Variants in PRKD1 observed in about 807,000 individuals in gnomAD.
PRKD1 encodes protein kinase D1.
In PRKD1, 63 loss-of-function variants were observed where a neutral mutation model predicts 95.9. The ratio of observed to expected loss-of-function variants is 0.66; its 90% CI spans 0.54 to 0.81. The LOEUF (loss-of-function observed/expected upper bound fraction) is 0.81. Ranked by LOEUF, PRKD1 falls within the 30% of genes least tolerant of loss-of-function variation. The probability of loss-of-function intolerance (pLI) is 0.00; values close to 1 mark genes in which losing one functional copy is unlikely to be tolerated. For missense variants in PRKD1, 1,048 were observed against 1,165.3 expected, an observed-to-expected ratio of 0.90 and a Z score of 1.47; for synonymous variants, 425 against 423.1, an observed-to-expected ratio of 1.00 and a Z score of -0.05.
chr14:29,895,300 G>A (rs986479910), intron 1 of PRKD1, among the ~76,000 whole-genome samples: 5 of 152,174 alleles, frequency 3.3e-5, no homozygotes, highest in African/African-American at 1.2e-4. Flanking sequence ...CTGGGCGACA[G>A]AGTGAGACTC....
At chr14:29,644,261 C>A (rs1431462149) in intron 4 of PRKD1, among the ~76,000 whole-genome samples, 1 of 152,202 alleles carries the variant, frequency 6.6e-6, no homozygotes, top group Non-Finnish European at 1.5e-5. Context: ...TTTTCCCCTG[C>A]AAATGCTCTG....
chr14:29,594,263 G>A (rs962058213), intron 16 of PRKD1: 4 of 318,446 alleles, frequency 1.3e-5, no homozygotes, highest in Non-Finnish European at 1.9e-5. Context: ...ATTTTCTTTT[G>A]CTTTTTCATG....
At chr14:29,745,144 G>C (rs1887154409) in intron 1 of PRKD1, among the ~76,000 whole-genome samples, 1 of 152,180 alleles carries the variant, frequency 6.6e-6, no homozygotes, top group Admixed American at 6.5e-5. Flanking sequence ...TCCTTAGAGA[G>C]GCTTTCCCTG....
At chr14:29,708,925 T>C (rs1159324235) in intron 2 of PRKD1, among the ~76,000 whole-genome samples, 1 of 152,142 alleles carries the variant, frequency 6.6e-6, no homozygotes, top group Non-Finnish European at 1.5e-5. Flanking sequence ...ACTCCCAAGA[T>C]AGCAAAATTT....
intron 2 of PRKD1, among the ~76,000 whole-genome samples, chr14:29,687,516 C>G (rs1883950269): frequency 6.6e-6 from 1 of 152,208 alleles, no homozygotes; most frequent in Non-Finnish European, 1.5e-5. Context: ...AAGACTCCAG[C>G]ACAAGTTGTT....
At chr14:29,909,299 C>T (rs1018420204) in intron 1 of PRKD1, among the ~76,000 whole-genome samples, 1 of 149,508 alleles carries the variant, frequency 6.7e-6, no homozygotes, top group African/African-American at 2.5e-5. Context: ...CCCCCCCGCC[C>T]CCCATGGGCT....
intron 2 of PRKD1, among the ~76,000 whole-genome samples, chr14:29,706,823 C>G (rs1885114994): frequency 6.6e-6 from 1 of 152,070 alleles, no homozygotes; most frequent in Non-Finnish European, 1.5e-5. Flanking sequence ...CTGAAGGGAA[C>G]ACCTGGTAGA....
intron 1 of PRKD1, among the ~76,000 whole-genome samples, chr14:29,772,520 T>C (rs1170471904): frequency 1.3e-5 from 2 of 152,228 alleles, no homozygotes; most frequent in Non-Finnish European, 2.9e-5. Flanking sequence ...TAAGGTAATA[T>C]CGTATGTACT....
At chr14:29,826,633 A>ATGTGTG (rs1206414588) in intron 1 of PRKD1, among the ~76,000 whole-genome samples, 1 of 109,166 alleles carries the variant, frequency 9.2e-6, no homozygotes, top group Non-Finnish European at 1.8e-5. Flanking sequence ...ACACATATAT[A>ATGTGTG]TGTGTGTGTG....
intron 1 of PRKD1, among the ~76,000 whole-genome samples, chr14:29,849,767 C>T (rs529968856): frequency 5.3e-5 from 8 of 151,924 alleles, no homozygotes; most frequent in South Asian, 2.1e-4. Flanking sequence ...AACTGCAGTT[C>T]GATATCCCTG....
At chr14:29,911,183 G>A (rs940327036) in intron 1 of PRKD1, among the ~76,000 whole-genome samples, 1 of 152,074 alleles carries the variant, frequency 6.6e-6, no homozygotes, top group African/African-American at 2.4e-5. Context: ...AACATATAAA[G>A]GTTTATCAAG....
intron 1 of PRKD1, among the ~76,000 whole-genome samples, chr14:29,895,696 G>A (rs891011404): frequency 1.3e-5 from 2 of 152,108 alleles, no homozygotes; most frequent in Non-Finnish European, 2.9e-5. Context: ...TGTCCTGCAA[G>A]CACTTTAGGA....
chr14:29,628,456 T>A (rs964942956), intron 11 of PRKD1, among the ~76,000 whole-genome samples: 3 of 152,146 alleles, frequency 2.0e-5, no homozygotes, highest in African/African-American at 4.8e-5. Flanking sequence ...TGTAAAATAT[T>A]TCATAATATG....
chr14:29,631,255 T>A (rs1879988793), intron 9 of PRKD1, among the ~76,000 whole-genome samples: 1 of 152,220 alleles, frequency 6.6e-6, no homozygotes. Flanking sequence ...TATGTTCATG[T>A]GGCGAGAATC....
intron 1 of PRKD1, among the ~76,000 whole-genome samples, chr14:29,881,436 C>T (rs781557768): frequency 7.9e-5 from 12 of 152,086 alleles, no homozygotes; most frequent in Non-Finnish European, 1.8e-4. Flanking sequence ...TTCCCAGTCT[C>T]GGGTATGTCT....
At chr14:29,899,457 GTCAACATGGTAAAACCCCATC>G (rs1442964106) in intron 1 of PRKD1, among the ~76,000 whole-genome samples, 14 of 152,046 alleles carry the variant, frequency 9.2e-5, no homozygotes, top group African/African-American at 3.1e-4. Flanking sequence ...GAACAGCCTG[GTCAACATGGTAAAACCCCATC>G]TCTACTAAAA....
rs1555327790 is a variant in PRKD1 at position 29,609,716 on chromosome 14, T to TTTA, written c.1906-9900_1906-9899insTAA. Among the ~76,000 whole-genome samples the TTTA allele has an allele frequency of 5.0e-4, 71 of 141,484 alleles. 3 individuals carry two copies. In the South Asian group the frequency reaches 0.015, roughly 30 times the overall value. The allele number at this position is 141,484 out of a possible 152,430, so 92.8% of individuals were successfully genotyped here. A position where few individuals can be genotyped will look rare whatever the true frequency, so the allele number is the denominator to read the frequency against. Reference sequence around the variant, plus strand: ...CCACCACGCCCAGCTATTTCTTTATTTTTTTTTTTTTTTTGTACTTTTAGT... The same window carrying TTTA: ...CCACCACGCCCAGCTATTTCTTTATTTTATTTTTTTTTTTTTTGTACTTTTAGT... On this transcript the variant is annotated intron_variant, in intron 13 of 17. Transcript: ENST00000331968.
rs139769843 is a variant in PRKD1, at chr14:29,665,050, T to C, written c.535+1027A>G. ...TGTCCACATGATAAGGGAGAAAAGA[T>C]GTGAGAATAAGGGTTCCCAGGTCAG... is the stretch of plus-strand genomic sequence containing the variant. On this transcript the variant is annotated intron_variant, in intron 3 of 17. Transcript: ENST00000331968. 3.7e-3 allele frequency among the ~76,000 whole-genome samples: 558 copies of C among 152,232 alleles called. 4 individuals carry two copies. Among genetic ancestry groups the C allele is most frequent in the African/African-American group, 0.013 (524 of 41,526 alleles).
At chr14:29,711,442 T>C (rs1293025994) in intron 2 of PRKD1, among the ~76,000 whole-genome samples, 1 of 152,002 alleles carries the variant, frequency 6.6e-6, no homozygotes, top group African/African-American at 2.4e-5. Flanking sequence ...CAGAAGTAAA[T>C]AAGACAGTGG....
Sources: allele counts gnomAD v4.1 joint callset (sites outside exome capture counted in the v4.1 genomes callset), GRCh38; gene constraint gnomAD v4.1.1; transcripts MANE v1.5; gene names NCBI Gene and HGNC (gene_info 2026-07-23, HGNC 2026-07-21).